NRXN3: variants seen among roughly 807,000 people sequenced by gnomAD.
NRXN3 encodes the protein neurexin III.
NRXN3 carries 32 observed loss-of-function variants against 137.6 expected under a neutral mutation model. The ratio of observed to expected loss-of-function variants is 0.23; its 90% CI spans 0.18 to 0.31. NRXN3 has a LOEUF of 0.31. Among genes scored for constraint, NRXN3 ranks in the 10% least tolerant of loss-of-function variants. NRXN3 has a pLI of 1.00. For missense variants in NRXN3, 1,574 were observed against 2,062.5 expected, an observed-to-expected ratio of 0.76 and a Z score of 4.59; for synonymous variants, 798 against 784.5, an observed-to-expected ratio of 1.02 and a Z score of -0.29.
intron 15 of NRXN3, among the ~76,000 whole-genome samples, chr14:79,243,713 T>A (rs1260862614): frequency 6.6e-6 from 1 of 152,152 alleles, no homozygotes; most frequent in Non-Finnish European, 1.5e-5. Context: ...ATTGGAGGCA[T>A]TTGTAACACA....
At chr14:79,723,526 T>C (rs2098857138) in intron 19 of NRXN3, among the ~76,000 whole-genome samples, 1 of 152,104 alleles carries the variant, frequency 6.6e-6, no homozygotes, top group African/African-American at 2.4e-5. Context: ...ATTAATAACC[T>C]GAGCAGGGTT....
chr14:79,620,770 G>A (rs1363933235), intron 16 of NRXN3, among the ~76,000 whole-genome samples: 2 of 152,098 alleles, frequency 1.3e-5, no homozygotes, highest in African/African-American at 4.8e-5. Flanking sequence ...TGTAGCATTG[G>A]AGTCAAAGGC....
chr14:79,820,199 G>A (rs930321845), intron 20 of NRXN3, among the ~76,000 whole-genome samples: 4 of 152,126 alleles, frequency 2.6e-5, no homozygotes, highest in Non-Finnish European at 5.9e-5. Context: ...GAGGAAAGTG[G>A]GAAAAACATT....
intron 15 of NRXN3, among the ~76,000 whole-genome samples, chr14:79,206,968 C>T (rs974403799): frequency 1.1e-4 from 16 of 152,100 alleles, no homozygotes; most frequent in African/African-American, 2.2e-4. Flanking sequence ...CTTTTCCTAC[C>T]GGATCAAGTT....
chr14:78,691,385 C>T (rs981959022), intron 6 of NRXN3, among the ~76,000 whole-genome samples: 3 of 152,014 alleles, frequency 2.0e-5, no homozygotes, highest in African/African-American at 7.3e-5. Context: ...ACCCTCTAGC[C>T]AAACAGCCCA....
At chr14:78,502,078 C>T (rs55855833) in intron 4 of NRXN3, among the ~76,000 whole-genome samples, 63,390 of 151,924 alleles carry the variant, frequency 0.42, 13,409 homozygotes, top group East Asian at 0.51. Context: ...CTAGTCCCTG[C>T]AGGAGCCTCA....
At chr14:79,275,672 G>C (rs1176229802) in intron 15 of NRXN3, among the ~76,000 whole-genome samples, 2 of 151,862 alleles carry the variant, frequency 1.3e-5, no homozygotes, top group Admixed American at 1.3e-4. Flanking sequence ...CAAGATAAAG[G>C]GTCTGATGGG....
intron 15 of NRXN3, among the ~76,000 whole-genome samples, chr14:79,039,386 A>T (rs1322657617): frequency 6.6e-6 from 1 of 152,148 alleles, no homozygotes; most frequent in East Asian, 1.9e-4. Flanking sequence ...TTTCCACTCA[A>T]CAATTGTATT....
At chr14:79,496,044 C>T (rs948868884) in intron 16 of NRXN3, among the ~76,000 whole-genome samples, 5 of 151,838 alleles carry the variant, frequency 3.3e-5, no homozygotes, top group Non-Finnish European at 5.9e-5. Flanking sequence ...GTTTTGTTAC[C>T]TTGCACTAAT....
At chr14:79,801,727 G>T (rs1179932157) in intron 19 of NRXN3, among the ~76,000 whole-genome samples, 1 of 152,160 alleles carries the variant, frequency 6.6e-6, no homozygotes, top group Non-Finnish European at 1.5e-5. Flanking sequence ...TGGTTCTGTT[G>T]CCTGGGAAGA....
At chr14:79,110,814 G>A (rs8013072) in intron 15 of NRXN3, among the ~76,000 whole-genome samples, 76,058 of 138,898 alleles carry the variant, frequency 0.55, 22,378 homozygotes, top group East Asian at 0.79. Context: ...TTTTTGAGAC[G>A]GAGTCTCGAT....
chr14:79,572,772 A>G (rs1224875242), intron 16 of NRXN3: 1 of 152,222 alleles, frequency 6.6e-6, no homozygotes, highest in African/African-American at 2.4e-5. Context: ...TAATATAAAT[A>G]TGTACAAAGA....
intron 4 of NRXN3, among the ~76,000 whole-genome samples, chr14:78,467,099 T>A (rs1161807179): frequency 6.6e-6 from 1 of 152,214 alleles, no homozygotes; most frequent in African/African-American, 2.4e-5. Flanking sequence ...TATTGATTGA[T>A]GTCTTCTGTC....
intron 15 of NRXN3, among the ~76,000 whole-genome samples, chr14:79,295,610 G>A (rs1214765254): frequency 6.6e-6 from 1 of 152,112 alleles, no homozygotes; most frequent in African/African-American, 2.4e-5. Flanking sequence ...GGCAAAGACT[G>A]AGTTTTCATA....
At chr14:79,638,456 AG>A (rs1434880037) in intron 16 of NRXN3, among the ~76,000 whole-genome samples, 1 of 152,240 alleles carries the variant, frequency 6.6e-6, no homozygotes, top group Non-Finnish European at 1.5e-5. Flanking sequence ...AGAGGAGAAA[AG>A]GAATTGAAAA....
At chr14:79,779,308 T>G (rs1056045561) in intron 19 of NRXN3, among the ~76,000 whole-genome samples, 7 of 152,082 alleles carry the variant, frequency 4.6e-5, no homozygotes, top group African/African-American at 1.7e-4. Context: ...AGACAGGGTT[T>G]CTCCATGTTG....
At chr14:79,595,222 AC>A (rs1219752880) in intron 16 of NRXN3, among the ~76,000 whole-genome samples, 2 of 152,188 alleles carry the variant, frequency 1.3e-5, no homozygotes, top group Non-Finnish European at 2.9e-5. Context: ...AGAACAGACA[AC>A]CTACCTGCAG....
chr14:78,177,081 C>G (rs141400382), intron 1 of NRXN3, among the ~76,000 whole-genome samples: 1 of 152,140 alleles, frequency 6.6e-6, no homozygotes. Flanking sequence ...GTCAAGGGTA[C>G]TTTCAGGTCC....
At chr14:79,207,941 T>C (rs983738341) in intron 15 of NRXN3, among the ~76,000 whole-genome samples, 2 of 152,166 alleles carry the variant, frequency 1.3e-5, no homozygotes, top group East Asian at 3.8e-4. Flanking sequence ...ACATTGAATC[T>C]TCTTAAGTAC....
Sources: gnomAD v4.1 joint callset for allele counts (sites outside exome capture counted in the v4.1 genomes callset) on GRCh38, gnomAD v4.1.1 for gene constraint, MANE v1.5 for transcripts, NCBI Gene and HGNC (gene_info 2026-07-23, HGNC 2026-07-21) for gene names.